The following NREP variants were observed in gnomAD, a reference collection of about 807,000 sequenced individuals.
The protein encoded by NREP is neuronal regeneration related protein, also known as neuronal regeneration-related protein.
NREP carries 5 observed loss-of-function variants against 8.6 expected under a neutral mutation model. The observed-to-expected ratio is 0.58, with a 90% CI of 0.30 to 1.22. NREP has a LOEUF of 1.22. Ranked by LOEUF, NREP falls within the 50% of genes most tolerant of loss-of-function variation. The pLI, the probability that NREP is intolerant of heterozygous loss-of-function variation, is 0.07. For missense variants in NREP, 86 were observed against 82.5 expected, an observed-to-expected ratio of 1.04 and a Z score of -0.17; for synonymous variants, 27 against 28.0, an observed-to-expected ratio of 0.96 and a Z score of 0.11.
chr5:111,729,198 G>A (rs943866934), downstream of NREP: 5 of 152,150 alleles, frequency 3.3e-5, no homozygotes, highest in African/African-American at 1.2e-4. Context: ...ATTTGCCCTT[G>A]GGTTTGCTGG....
Position 111,731,037 on chromosome 5 carries a change from G to C in NREP, c.91C>G (p.Pro31Ala). 1 of 1,613,770 alleles carries C rather than the reference G, an allele frequency of 6.2e-7. No homozygotes were observed. The highest frequency in any genetic ancestry group is 1.1e-5 in the South Asian group (1 of 91,058). ...TTGCGGTTCACTTCCTTTGGGACAG[G>C]AAGTCTTCCCTGCAAAGCAGGCAGA... ...MEGRLPKGRLPVPKEVNRKKN... is the reference protein window; with the variant it reads ...MEGRLPKGRLAVPKEVNRKKN... Residue 31 changes from proline (P) to alanine (A), a missense_variant, in exon 4 of 4, where the codon CCT becomes GCT. Pro to Ala is a conservative substitution (Grantham distance 27, BLOSUM62 -1). Coordinates refer to ENST00000257435, the MANE Select transcript of NREP (RefSeq NM_004772.4).
At chr5:111,794,140 CAAT>C (rs1369079429) in intron 2 of NREP, among the ~76,000 whole-genome samples, 1 of 152,186 alleles carries the variant, frequency 6.6e-6, no homozygotes, top group Non-Finnish European at 1.5e-5. Flanking sequence ...ACATCTGTTA[CAAT>C]GCCAAAATCT....
chr5:111,790,347 C>CTTTTTTTTTTTTTTTTTTTTT (rs57775701), intron 2 of NREP, among the ~76,000 whole-genome samples: 1 of 59,594 alleles, frequency 1.7e-5, no homozygotes, highest in Non-Finnish European at 2.9e-5. Flanking sequence ...AAAACCTTAA[C>CTTTTTTTTTTTTTTTTTTTTT]TTTTTTTTTT....
intron 2 of NREP, among the ~76,000 whole-genome samples, chr5:111,904,998 A>ATCTC (rs143311439): frequency 1.3e-5 from 2 of 150,792 alleles, no homozygotes; most frequent in African/African-American, 4.9e-5. Context: ...TATTCCCCAT[A>ATCTC]TCTCTCTCTC....
intron 2 of NREP, among the ~76,000 whole-genome samples, chr5:111,945,724 A>G (rs988583602): frequency 2.6e-5 from 4 of 151,918 alleles, no homozygotes; most frequent in African/African-American, 2.4e-5. Flanking sequence ...AGGGTCTTAC[A>G]TGATATCATT....
At chr5:111,894,725 A>C (rs1157539256) in intron 2 of NREP, among the ~76,000 whole-genome samples, 2 of 152,204 alleles carry the variant, frequency 1.3e-5, no homozygotes, top group Non-Finnish European at 2.9e-5. Flanking sequence ...CAGGCAATGA[A>C]ACCATGATTG....
intron 2 of NREP, among the ~76,000 whole-genome samples, chr5:111,919,922 C>G (rs1051667896): frequency 7.0e-5 from 7 of 100,162 alleles, no homozygotes; most frequent in African/African-American, 2.2e-4. Flanking sequence ...AAAGAAAGAT[C>G]TGAACTGTCC....
intron 2 of NREP, among the ~76,000 whole-genome samples, chr5:111,799,103 C>A (rs746026056): frequency 9.9e-5 from 15 of 152,140 alleles, no homozygotes; most frequent in Non-Finnish European, 2.1e-4. Flanking sequence ...TTTCTGCGTT[C>A]TCTATTCTGT....
chr5:111,954,888 A>T (rs1289682840), intron 2 of NREP, among the ~76,000 whole-genome samples: 7 of 152,172 alleles, frequency 4.6e-5, no homozygotes, highest in Non-Finnish European at 1.0e-4. Flanking sequence ...TCAGCCTGAA[A>T]GGCATAAAAC....
chr5:111,923,686 C>T lies in NREP; in HGVS notation c.135+51588G>A, dbSNP rs953115603. Among the ~76,000 whole-genome samples the T allele has an allele frequency of 5.3e-5, 8 of 152,296 alleles. No homozygotes were observed. The East Asian group carries it at 7.7e-4, about 15-fold the overall frequency. ...AGGCAGGCTGGCTATCCTTTAGCCACCAGGTTCAGTTCCTTACTTAGGTAA... is the reference window on the plus strand; with the variant it reads ...AGGCAGGCTGGCTATCCTTTAGCCATCAGGTTCAGTTCCTTACTTAGGTAA... On this transcript the variant is annotated intron_variant, in intron 2 of 3. Transcript: ENST00000395634.
rs1005219667 is a variant in NREP at position 111,778,187 on chromosome 5, CAA to C, written c.136-42682_136-42681del. On this transcript the variant is annotated intron_variant, in intron 2 of 3. Coordinates refer to the NREP transcript ENST00000395634. ...GCTTGCCAATCTCCAGCCAGCACATCAAACTCTTCATATGCTAAGAGAATTGC... is the reference window on the plus strand; with the variant it reads ...GCTTGCCAATCTCCAGCCAGCACATCACTCTTCATATGCTAAGAGAATTGC... Among the ~76,000 whole-genome samples, 37 of 152,260 alleles carry C rather than the reference CAA, an allele frequency of 2.4e-4. No homozygotes were observed. In the East Asian group the frequency reaches 6.4e-3, roughly 26 times the overall value.
chr5:111,976,853 C>T (rs1407102839), exon 1 of NREP: 2 of 754,826 alleles, frequency 2.6e-6, no homozygotes, highest in Admixed American at 2.9e-5. Flanking sequence ...TTCTGATTGT[C>T]CAATGTTTCT....
intron 2 of NREP, among the ~76,000 whole-genome samples, chr5:111,735,875 G>T (rs1343274864): frequency 2.0e-5 from 3 of 152,160 alleles, no homozygotes; most frequent in Non-Finnish European, 4.4e-5. Flanking sequence ...ATCAAACACT[G>T]TTAAGGGTTA....
intron 2 of NREP, among the ~76,000 whole-genome samples, chr5:111,776,995 A>AGGAGGAGGAGGAGGAAGGAGGT (rs1751377482): frequency 4.2e-5 from 5 of 119,092 alleles, no homozygotes; most frequent in Middle Eastern, 3.9e-3. Flanking sequence ...AAGGATGAGG[A>AGGAGGAGGAGGAGGAAGGAGGT]GGAGGAGGAG....
chr5:111,757,231 G>T (rs3733993), upstream of NREP: 30 of 560,896 alleles, frequency 5.3e-5, no homozygotes, highest in Non-Finnish European at 6.7e-5. Context: ...AGACAGATTG[G>T]GGGGGGAGGG....
At chr5:111,943,478 C>T (rs1173856199) in intron 2 of NREP, among the ~76,000 whole-genome samples, 1 of 152,030 alleles carries the variant, frequency 6.6e-6, no homozygotes, top group Non-Finnish European at 1.5e-5. Context: ...ACCTATATCT[C>T]TAGCTTGAAC....
chr5:111,900,152 C>G (rs983438520), intron 2 of NREP, among the ~76,000 whole-genome samples: 2 of 151,712 alleles, frequency 1.3e-5, no homozygotes, highest in Non-Finnish European at 2.9e-5. Flanking sequence ...ACTTTGGAAA[C>G]TGTACAAATA....
At chr5:111,847,414 G>A (rs1688513119) in intron 2 of NREP, among the ~76,000 whole-genome samples, 1 of 152,038 alleles carries the variant, frequency 6.6e-6, no homozygotes, top group Non-Finnish European at 1.5e-5. Context: ...AGTTCCCCAA[G>A]GTCTCATTTC....
chr5:111,840,182 T>C (rs1187246721), intron 2 of NREP, among the ~76,000 whole-genome samples: 1 of 152,068 alleles, frequency 6.6e-6, no homozygotes, highest in Non-Finnish European at 1.5e-5. Flanking sequence ...ATATATGTCA[T>C]AGCTCTGCTG....
Sources: gnomAD v4.1 joint callset for allele counts (sites outside exome capture counted in the v4.1 genomes callset) on GRCh38, gnomAD v4.1.1 for gene constraint, MANE v1.5 for transcripts, NCBI Gene and HGNC (gene_info 2026-07-23, HGNC 2026-07-21) for gene names.